Variants in DOCK1 observed in about 807,000 individuals in gnomAD.
DOCK1 encodes dedicator of cytokinesis 1.
DOCK1 carries 138 observed loss-of-function variants against 262.7 expected under a neutral mutation model. That is an observed-to-expected ratio of 0.53 (90% confidence interval 0.46 to 0.61). The LOEUF is 0.61. DOCK1 is among the 20% of genes least tolerant of loss of function. The pLI is 0.00. For synonymous variants in DOCK1, 866 were observed against 867.4 expected (o/e 1.00, Z 0.03); for missense variants, 1,908 against 2,370.7 (o/e 0.80, Z 4.05).
At chr10:127,393,178 T>C (rs2066599361) in intron 38 of DOCK1, among the ~76,000 whole-genome samples, 1 of 152,142 alleles carries the variant, frequency 6.6e-6, no homozygotes, top group Non-Finnish European at 1.5e-5. Flanking sequence ...AACAACGCAA[T>C]TCCAGTTTTA....
intron 27 of DOCK1, among the ~76,000 whole-genome samples, chr10:127,157,353 A>G (rs1052718971): frequency 6.6e-6 from 1 of 152,240 alleles, no homozygotes; most frequent in East Asian, 1.9e-4. Context: ...GAATAGATGC[A>G]GCAGGTGAGA....
At chr10:127,447,260 T>C (rs529963649) in intron 50 of DOCK1, 134 bp from the exon 51 acceptor site, 60 of 1,331,678 alleles carry the variant, frequency 4.5e-5, no homozygotes, top group Non-Finnish European at 5.8e-5. Flanking sequence ...ATCTGCTCTG[T>C]TGACAAACGT....
intron 38 of DOCK1, 24 bp from the exon 39 acceptor site, chr10:127,403,031 T>C: frequency 6.3e-7 from 1 of 1,593,740 alleles, no homozygotes. Context: ...GGCTTCTCTT[T>C]CTTTTCTTTA....
chr10:127,335,846 C>G (rs1590531814), intron 29 of DOCK1, among the ~76,000 whole-genome samples: 1 of 152,226 alleles, frequency 6.6e-6, no homozygotes, highest in South Asian at 2.1e-4. Flanking sequence ...TCCCGAGTAG[C>G]TGGGACTACG....
chr10:127,288,232 C>T (rs1414378905), intron 29 of DOCK1, among the ~76,000 whole-genome samples: 1 of 152,116 alleles, frequency 6.6e-6, no homozygotes, highest in Non-Finnish European at 1.5e-5. Flanking sequence ...AGGTGGATTC[C>T]TGGGTCCTTA....
chr10:127,232,349 GTC>G (rs1298343708), intron 27 of DOCK1, among the ~76,000 whole-genome samples: 1 of 152,056 alleles, frequency 6.6e-6, no homozygotes, highest in Non-Finnish European at 1.5e-5. Flanking sequence ...GCTGTACAAA[GTC>G]TCTTGTTTTC....
intron 23 of DOCK1, among the ~76,000 whole-genome samples, chr10:127,103,971 G>A (rs971881843): frequency 1.3e-5 from 2 of 152,202 alleles, no homozygotes; most frequent in African/African-American, 4.8e-5. Context: ...GATTCTTATA[G>A]ATGTTGCTTG....
Position 126,953,270 on chromosome 10 carries a change from GGTA to G in DOCK1, c.47-17429_47-17427del, listed in dbSNP as rs1264066249. ...TGGTGGTATTGGTGATGGTGGTGGT[GGTA>G]GTGTTGTGGTGTGGTGTGGTGGTAG... On this transcript the variant is annotated intron_variant, in intron 1 of 51. Coordinates refer to ENST00000623213, the MANE Select transcript of DOCK1 (RefSeq NM_001290223.2). Among the ~76,000 whole-genome samples the G allele has an allele frequency of 3.0e-3, 457 of 151,670 alleles. 6 individuals carry two copies. Among genetic ancestry groups the G allele is most frequent in the African/African-American group, 0.011 (437 of 41,232 alleles).
intron 29 of DOCK1, among the ~76,000 whole-genome samples, chr10:127,322,893 T>C (rs2062596316): frequency 6.6e-6 from 1 of 152,230 alleles, no homozygotes; most frequent in Non-Finnish European, 1.5e-5. Flanking sequence ...AAGTGCACTG[T>C]TAAGAATGGG....
intron 16 of DOCK1, among the ~76,000 whole-genome samples, chr10:127,028,063 G>C (rs2042995476): frequency 6.6e-6 from 1 of 151,220 alleles, no homozygotes; most frequent in African/African-American, 2.4e-5. Context: ...GCATGGCGGG[G>C]GAGTGCGGGG....
chr10:127,125,664 TACA>T (rs2049905535), intron 26 of DOCK1, 63 bp downstream of exon 26: 2 of 1,579,428 alleles, frequency 1.3e-6, no homozygotes, highest in Non-Finnish European at 1.7e-6. Context: ...TGCCTTGCAG[TACA>T]ACTTTATTCA....
chr10:127,444,132 C>A lies in DOCK1; in HGVS notation c.5266C>A (p.Pro1756Thr). 3 of 1,559,976 alleles carry A rather than the reference C, an allele frequency of 1.9e-6. No individual in the cohort carries two copies. The highest frequency in any genetic ancestry group is 2.4e-5 in the South Asian group (2 of 84,394). The part of the protein sequence containing the change: ...EAVILSETIS[P>T]LRPQRPKSQV... The stretch of plus-strand genomic sequence containing the variant: ...TTCTGTCCTTTTGATGTAGATAAGT[C>A]CCCTGCGGCCCCAGAGACCGAAGAG... The change falls in exon 50 of 52, where the codon CCC becomes ACC. Residue 1756 changes from proline to threonine, a missense_variant. This residue lies in a region of DOCK1 where 383 missense variants were observed against 420.1 expected (regional missense o/e 0.91). Coordinates refer to ENST00000623213, the MANE Select transcript of DOCK1 (RefSeq NM_001290223.2).
rs1179223260 is a variant in DOCK1 at position 127,439,062 on chromosome 10, A to C, written c.5096A>C (p.His1699Pro). Residue 1699 changes from histidine to proline, a missense_variant, in exon 49 of 52, where the codon CAC becomes CCC. Physicochemically the swap from His to Pro is moderately conservative, Grantham distance 77. This residue lies in a region of DOCK1 where 383 missense variants were observed against 420.1 expected (regional missense o/e 0.91). Transcript: ENST00000623213. ...GAGCCTCTCCTGCCAAAGAAAATGC[A>C]CTCCAGGTCCCAGGACAAGCTGGAC... ...ALEPLLPKKMHSRSQDKLDKD... is the reference protein window; with the variant it reads ...ALEPLLPKKMPSRSQDKLDKD... 2 of 1,554,316 alleles carry C rather than the reference A, an allele frequency of 1.3e-6. No individual in the cohort carries two copies. Among genetic ancestry groups the C allele is most frequent in the African/African-American group, 2.7e-5 (2 of 73,086 alleles).
intron 1 of DOCK1, among the ~76,000 whole-genome samples, chr10:126,925,228 G>T (rs1439275372): frequency 6.6e-6 from 1 of 152,308 alleles, no homozygotes; most frequent in Middle Eastern, 3.4e-3. Flanking sequence ...CATACCATAG[G>T]CTGATTTTCT....
intron 37 of DOCK1, among the ~76,000 whole-genome samples, chr10:127,382,191 A>C (rs1019524853): frequency 6.6e-6 from 1 of 152,236 alleles, no homozygotes; most frequent in East Asian, 1.9e-4. Flanking sequence ...TTCCAAATCC[A>C]AGCCAGCCTC....
intron 33 of DOCK1, among the ~76,000 whole-genome samples, chr10:127,368,504 A>T (rs1026745426): frequency 4.6e-5 from 7 of 151,846 alleles, no homozygotes; most frequent in African/African-American, 1.5e-4. Context: ...GCCCACCCCA[A>T]TCCAGAGAGT....
At chr10:127,449,645 GTCA>G (rs1283364595) in intron 51 of DOCK1, among the ~76,000 whole-genome samples, 1 of 152,186 alleles carries the variant, frequency 6.6e-6, no homozygotes, top group Non-Finnish European at 1.5e-5. Context: ...TGGTTAGTAT[GTCA>G]TCATTAGGCA....
At chr10:127,288,159 G>A (rs530675578) in intron 29 of DOCK1, among the ~76,000 whole-genome samples, 14 of 152,172 alleles carry the variant, frequency 9.2e-5, no homozygotes, top group Non-Finnish European at 1.8e-4. Flanking sequence ...GTCTAAGTCC[G>A]TTGTAGTTAT....
At chr10:127,137,801 C>A (rs1170198837) in intron 27 of DOCK1, 3 of 1,584,006 alleles carry the variant, frequency 1.9e-6, no homozygotes, top group African/African-American at 2.7e-5. Flanking sequence ...CCAGTGGGTT[C>A]TAAAGACGGC....
Sources: allele counts gnomAD v4.1 joint callset (sites outside exome capture counted in the v4.1 genomes callset), GRCh38; gene constraint gnomAD v4.1.1; regional missense constraint gnomAD v4.1.1; transcripts MANE v1.5; gene names NCBI Gene and HGNC (gene_info 2026-07-23, HGNC 2026-07-21).